BMPR1B: variants seen among roughly 807,000 people sequenced by gnomAD.
BMPR1B encodes bone morphogenetic protein receptor type 1B.
In BMPR1B, 12 loss-of-function variants were observed where a neutral mutation model predicts 59.1. That is an observed-to-expected ratio of 0.20 (90% CI 0.13 to 0.33). The LOEUF is 0.33. Among genes scored for constraint, BMPR1B ranks in the 10% least tolerant of loss-of-function variants. The pLI, the probability that BMPR1B is intolerant of heterozygous loss-of-function variation, is 1.00. For synonymous variants in BMPR1B, 237 were observed against 207.3 expected (o/e 1.14, Z -1.23); for missense variants, 550 against 610.9 (o/e 0.90, Z 1.05).
intron 10 of BMPR1B, among the ~76,000 whole-genome samples, chr4:95,145,081 A>G (rs1001976896): frequency 2.0e-5 from 3 of 152,194 alleles, no homozygotes; most frequent in African/African-American, 7.2e-5. Context: ...CACCCATGTA[A>G]TATGAACAGA....
intron 3 of BMPR1B, among the ~76,000 whole-genome samples, chr4:95,070,080 C>A (rs1553933546): frequency 6.6e-6 from 1 of 152,086 alleles, no homozygotes; most frequent in Non-Finnish European, 1.5e-5. Context: ...GCCTGGGCAA[C>A]AAGAGAGAAA....
chr4:95,148,649 C>G (rs1734814884), intron 10 of BMPR1B, 99 bp from the exon 11 acceptor site: 3 of 1,258,820 alleles, frequency 2.4e-6, no homozygotes, highest in African/African-American at 1.5e-5. Flanking sequence ...TTTTTCTTTT[C>G]CACTTTTCAC....
At chr4:94,848,595 T>G (rs993485491) in intron 1 of BMPR1B, among the ~76,000 whole-genome samples, 4 of 147,368 alleles carry the variant, frequency 2.7e-5, no homozygotes, top group Non-Finnish European at 4.5e-5. Flanking sequence ...TAGACAGTCT[T>G]AAGGACTTTA....
intron 1 of BMPR1B, among the ~76,000 whole-genome samples, chr4:94,784,447 G>A (rs534373518): frequency 4.0e-5 from 6 of 151,892 alleles, no homozygotes; most frequent in Non-Finnish European, 8.8e-5. Flanking sequence ...GAGTTTTCAG[G>A]TCTCCTGTTT....
At chr4:94,858,122 T>TG (rs1228322824) in intron 1 of BMPR1B, among the ~76,000 whole-genome samples, 2 of 151,210 alleles carry the variant, frequency 1.3e-5, no homozygotes, top group African/African-American at 4.9e-5. Context: ...ATTTTTTTTT[T>TG]TGTATTTTTA....
At chr4:94,916,479 C>G (rs1042454040) in intron 2 of BMPR1B, among the ~76,000 whole-genome samples, 1 of 152,124 alleles carries the variant, frequency 6.6e-6, no homozygotes, top group Non-Finnish European at 1.5e-5. Flanking sequence ...TCTATTCATG[C>G]CCTAGGGAAC....
chr4:95,034,543 T>C (rs1266607874), intron 3 of BMPR1B, among the ~76,000 whole-genome samples: 1 of 152,114 alleles, frequency 6.6e-6, no homozygotes, highest in East Asian at 1.9e-4. Flanking sequence ...GGTTGTCCAT[T>C]CCTGAATTAT....
At chr4:94,849,209 G>T (rs774128731) in intron 1 of BMPR1B, among the ~76,000 whole-genome samples, 1 of 152,200 alleles carries the variant, frequency 6.6e-6, no homozygotes, top group Non-Finnish European at 1.5e-5. Flanking sequence ...ATGAGAAAAA[G>T]CAAGGTGTAG....
chr4:95,132,992 C>G (rs1733484711), intron 10 of BMPR1B, among the ~76,000 whole-genome samples: 1 of 152,298 alleles, frequency 6.6e-6, no homozygotes, highest in Admixed American at 6.5e-5. Context: ...TTACCTCTTA[C>G]ATATTTTCCG....
intron 2 of BMPR1B, among the ~76,000 whole-genome samples, chr4:94,943,914 T>C (rs1318524871): frequency 6.6e-6 from 1 of 152,220 alleles, no homozygotes; most frequent in Non-Finnish European, 1.5e-5. Context: ...CATATGTATA[T>C]ATAGGTTGTG....
chr4:94,938,825 G>A (rs1056736779), intron 2 of BMPR1B, among the ~76,000 whole-genome samples: 6 of 151,976 alleles, frequency 3.9e-5, no homozygotes, highest in African/African-American at 1.4e-4. Flanking sequence ...GGGCAACACT[G>A]CCAGACCCTG....
At chr4:94,886,873 A>G (rs1291221972) in intron 2 of BMPR1B, among the ~76,000 whole-genome samples, 4 of 152,150 alleles carry the variant, frequency 2.6e-5, no homozygotes, top group Non-Finnish European at 5.9e-5. Context: ...TGGAGAGACC[A>G]CTGTATAGGT....
At chr4:94,763,825 C>G (rs1450656940) in intron 1 of BMPR1B, among the ~76,000 whole-genome samples, 1 of 152,132 alleles carries the variant, frequency 6.6e-6, no homozygotes, top group African/African-American at 2.4e-5. Flanking sequence ...TTATGACCAT[C>G]TATAAAATGT....
chr4:94,964,533 T>A (rs891435502), intron 2 of BMPR1B, among the ~76,000 whole-genome samples: 2 of 152,182 alleles, frequency 1.3e-5, no homozygotes, highest in Non-Finnish European at 2.9e-5. Flanking sequence ...GATTAATCAC[T>A]GATGAGGACT....
chr4:94,998,435 G>T (rs1343167464), intron 3 of BMPR1B, among the ~76,000 whole-genome samples: 1 of 150,724 alleles, frequency 6.6e-6, no homozygotes, highest in Non-Finnish European at 1.5e-5. Flanking sequence ...GTGCAATGGC[G>T]CGATCTTAGC....
chr4:94,956,015 T>C (rs540243264), intron 2 of BMPR1B, among the ~76,000 whole-genome samples: 1 of 152,312 alleles, frequency 6.6e-6, no homozygotes, highest in Admixed American at 6.5e-5. Flanking sequence ...ATGTTGCCAA[T>C]AGATTTTATT....
At chr4:95,116,043 T>C (rs1732006087) in intron 6 of BMPR1B, among the ~76,000 whole-genome samples, 1 of 152,128 alleles carries the variant, frequency 6.6e-6, no homozygotes, top group Non-Finnish European at 1.5e-5. Context: ...CTAGAGTTTG[T>C]AGTGTATTTC....
intron 1 of BMPR1B, among the ~76,000 whole-genome samples, chr4:94,817,998 C>T (rs1360778684): frequency 6.6e-6 from 1 of 152,106 alleles, no homozygotes; most frequent in East Asian, 1.9e-4. Context: ...TCAATTAAAT[C>T]AGAAACTCTG....
chr4:94,827,295 TAATA>T (rs1422173662), intron 1 of BMPR1B, among the ~76,000 whole-genome samples: 2 of 152,192 alleles, frequency 1.3e-5, no homozygotes, highest in Non-Finnish European at 2.9e-5. Context: ...AAAATCTCTT[TAATA>T]AATAACCCTT....
Sources: gnomAD v4.1 joint callset for allele counts (sites outside exome capture counted in the v4.1 genomes callset) on GRCh38, gnomAD v4.1.1 for gene constraint, MANE v1.5 for transcripts, NCBI Gene and HGNC (gene_info 2026-07-23, HGNC 2026-07-21) for gene names.